TNNI3K: variants seen among roughly 807,000 people sequenced by gnomAD.
The protein encoded by TNNI3K is TNNI3 interacting kinase.
TNNI3K carries 140 observed loss-of-function variants against 114.5 expected under a neutral mutation model. The ratio of observed to expected loss-of-function variants is 1.22; its 90% CI spans 1.07 to 1.41. The LOEUF (loss-of-function observed/expected upper bound fraction) is 1.41, where lower values mean the gene tolerates loss of function less well. Ranked by LOEUF, TNNI3K falls within the 40% of genes most tolerant of loss-of-function variation. The pLI, the probability that TNNI3K is intolerant of heterozygous loss-of-function variation, is 0.00. For missense variants in TNNI3K, 1,125 were observed against 1,007.6 expected (o/e 1.12, Z -1.58); for synonymous variants, 347 against 347.5 (o/e 1.00, Z 0.02).
intron 17 of TNNI3K, chr1:74,373,602 T>C (rs1017452477): frequency 1.3e-5 from 2 of 151,932 alleles, no homozygotes; most frequent in Non-Finnish European, 2.9e-5. Flanking sequence ...TAATATTTTT[T>C]AACTGAACCA....
At chr1:74,430,977 A>G (rs1439347179) in intron 17 of TNNI3K, among the ~76,000 whole-genome samples, 1 of 152,144 alleles carries the variant, frequency 6.6e-6, no homozygotes, top group Non-Finnish European at 1.5e-5. Context: ...TGCTTCCAAG[A>G]TTCATTACTT....
At chr1:74,313,242 CA>C (rs1344301911) in intron 5 of TNNI3K, among the ~76,000 whole-genome samples, 1 of 152,186 alleles carries the variant, frequency 6.6e-6, no homozygotes, top group African/African-American at 2.4e-5. Flanking sequence ...TGCTCCATAA[CA>C]TGCGATTTAT....
At chr1:74,516,813 C>A (rs1459069900) in intron 23 of TNNI3K, among the ~76,000 whole-genome samples, 1 of 152,166 alleles carries the variant, frequency 6.6e-6, no homozygotes, top group African/African-American at 2.4e-5. Flanking sequence ...CAAGTTAAGG[C>A]AGCTTACTTC....
chr1:74,316,923 TCTC>T (rs1244199670), intron 5 of TNNI3K, among the ~76,000 whole-genome samples: 1 of 151,792 alleles, frequency 6.6e-6, no homozygotes, highest in African/African-American at 2.4e-5. Flanking sequence ...ATTGTCTCGA[TCTC>T]CTGACCTCGT....
intron 20 of TNNI3K, among the ~76,000 whole-genome samples, chr1:74,461,692 C>T (rs1026940478): frequency 1.3e-5 from 2 of 151,884 alleles, no homozygotes; most frequent in Admixed American, 6.6e-5. Flanking sequence ...TATTGATAAC[C>T]CTCACACACA....
At chr1:74,446,437 T>C (rs1666683247) in intron 20 of TNNI3K, among the ~76,000 whole-genome samples, 1 of 149,244 alleles carries the variant, frequency 6.7e-6, no homozygotes, top group South Asian at 2.1e-4. Flanking sequence ...ATTCTGGATA[T>C]TAGCCCTTTG....
At chr1:74,387,076 T>C (rs1479087227) in intron 17 of TNNI3K, among the ~76,000 whole-genome samples, 1 of 152,226 alleles carries the variant, frequency 6.6e-6, no homozygotes, top group African/African-American at 2.4e-5. Context: ...GCAAATACAT[T>C]TAACAGATAG....
rs752068095 is a variant in TNNI3K, at chr1:74,250,689, C to T, written c.253C>T (p.Arg85Ter). The part of the protein sequence containing the change: ...CICGGKKSHI[R>*]TLMLKGLRPS... ...TCTTTAAGGCAAGAAATCACATATT[C>T]GAACTCTTATGTTGAAAGGGCTCCG... The change falls in exon 4 of 25, where the codon CGA (arginine) becomes TGA (stop). Residue 85 changes from arginine to a stop codon, truncating the protein, a stop_gained. Coordinates refer to ENST00000326637, the MANE Select transcript of TNNI3K (RefSeq NM_015978.3). LOFTEE classifies it high-confidence loss of function. 1.9e-6 allele frequency: 3 copies of T among 1,610,860 alleles called. No homozygotes were observed. Among genetic ancestry groups the T allele is most frequent in the Non-Finnish European group, 2.5e-6 (3 of 1,179,066 alleles).
intron 5 of TNNI3K, among the ~76,000 whole-genome samples, chr1:74,274,108 T>A (rs770675813): frequency 2.6e-5 from 4 of 151,922 alleles, no homozygotes; most frequent in Non-Finnish European, 5.9e-5. Context: ...ATATAAACAG[T>A]CCATTATCAT....
intron 4 of TNNI3K, among the ~76,000 whole-genome samples, chr1:74,268,507 G>A (rs543097604): frequency 9.2e-5 from 14 of 151,872 alleles, no homozygotes; most frequent in African/African-American, 2.7e-4. Context: ...TGCCTAACTC[G>A]TGAAGCAGAG....
intron 20 of TNNI3K, among the ~76,000 whole-genome samples, chr1:74,447,358 A>G (rs1177497531): frequency 1.3e-5 from 2 of 150,068 alleles, no homozygotes; most frequent in African/African-American, 5.1e-5. Context: ...TTGTTGGTGT[A>G]TAAGAATGCT....
At chr1:74,359,839 C>T (rs1661859871) in intron 11 of TNNI3K, among the ~76,000 whole-genome samples, 1 of 151,934 alleles carries the variant, frequency 6.6e-6, no homozygotes, top group Non-Finnish European at 1.5e-5. Flanking sequence ...TCTGAGGACC[C>T]TGCAAAACTC....
intron 16 of TNNI3K, 57 bp downstream of exon 16, chr1:74,369,642 A>G (rs906061999): frequency 8.6e-6 from 13 of 1,505,552 alleles, no homozygotes; most frequent in South Asian, 4.2e-5. Flanking sequence ...TACTCTTGCA[A>G]TACTTCAGAG....
chr1:74,236,308 A>G, intron 2 of TNNI3K, 98 bp downstream of exon 2: 1 of 1,002,934 alleles, frequency 1.0e-6, no homozygotes, highest in African/African-American at 1.7e-5. Flanking sequence ...GTAGAACCTC[A>G]GACATAAGCA....
At chr1:74,405,064 C>T (rs923730706) in intron 17 of TNNI3K, among the ~76,000 whole-genome samples, 20 of 152,104 alleles carry the variant, frequency 1.3e-4, no homozygotes, top group African/African-American at 4.1e-4. Flanking sequence ...TGTTTTATGA[C>T]AGTGTTAAGC....
In TNNI3K at chr1:74,336,119, C is replaced by CT. The variant is rs1479455542; in HGVS notation, c.653dup (p.Met220AspfsTer14). 1 of 1,603,222 alleles carries CT rather than the reference C, an allele frequency of 6.2e-7. No homozygotes were observed. Among genetic ancestry groups the CT allele is most frequent in the African/African-American group, 1.4e-5 (1 of 74,066 alleles). On this transcript the variant is annotated frameshift_variant, in exon 7 of 25. Coordinates refer to ENST00000326637, the MANE Select transcript of TNNI3K (RefSeq NM_015978.3). LOFTEE classifies it high-confidence loss of function. The stretch of plus-strand genomic sequence containing the variant: ...AAAAGGATTCTTGAATATTGCAAAA[C>CT]TCTTGATGGAAGAAGGCAGCAAAGC...
intron 5 of TNNI3K, among the ~76,000 whole-genome samples, chr1:74,286,002 C>T (rs1341420497): frequency 6.6e-6 from 1 of 152,148 alleles, no homozygotes; most frequent in Non-Finnish European, 1.5e-5. Context: ...GAACTATCCA[C>T]ACATAAAAAT....
intron 21 of TNNI3K, chr1:74,471,795 T>A (rs1341015786): frequency 2.3e-6 from 1 of 426,480 alleles, no homozygotes. Context: ...ATTTTTCTAT[T>A]GCACTGTTAA....
At chr1:74,347,218 T>A (rs565778285) in intron 9 of TNNI3K, among the ~76,000 whole-genome samples, 2 of 144,006 alleles carry the variant, frequency 1.4e-5, no homozygotes, top group Non-Finnish European at 3.0e-5. Context: ...TTCTCATTGT[T>A]CAATTCCCAC....
Sources: allele counts gnomAD v4.1 joint callset (sites outside exome capture counted in the v4.1 genomes callset), GRCh38; gene constraint gnomAD v4.1.1; transcripts MANE v1.5; gene names NCBI Gene and HGNC (gene_info 2026-07-23, HGNC 2026-07-21).